ARHGEF7: variants seen among roughly 807,000 people sequenced by gnomAD.
ARHGEF7 encodes PAK-interacting exchange factor beta.
ARHGEF7 carries 33 observed loss-of-function variants against 109.8 expected under a neutral mutation model. That is an observed-to-expected ratio of 0.30 (90% confidence interval 0.23 to 0.40). The LOEUF (loss-of-function observed/expected upper bound fraction) is 0.40. Among genes scored for constraint, ARHGEF7 ranks in the 10% least tolerant of loss-of-function variants. ARHGEF7 has a pLI of 1.00. For synonymous variants in ARHGEF7, 458 were observed against 424.6 expected, an observed-to-expected ratio of 1.08 and a Z score of -0.97; for missense variants, 938 against 1,098.5, an observed-to-expected ratio of 0.85 and a Z score of 2.07.
intron 2 of ARHGEF7, among the ~76,000 whole-genome samples, chr13:111,203,660 T>C (rs959335215): frequency 3.3e-5 from 5 of 152,212 alleles, no homozygotes; most frequent in Admixed American, 6.5e-5. Context: ...TCTTGACTCT[T>C]TTAGTGATTT....
chr13:111,147,473 T>C lies in ARHGEF7; in HGVS notation c.166-6432T>C, dbSNP rs552533490. On this transcript the variant is annotated intron_variant, in intron 1 of 21. Transcript: ENST00000646102. ...CTGTTTTTCACGTGCTCACTGACCA[T>C]TCGTTTGTATAGCTTCTTCAGCGAA... is the stretch of plus-strand genomic sequence containing the variant. 7.9e-4 allele frequency among the ~76,000 whole-genome samples: 121 copies of C among 152,314 alleles called. 1 individual carries two copies. Among genetic ancestry groups the C allele is most frequent in the African/African-American group, 2.8e-3 (116 of 41,564 alleles).
intron 5 of ARHGEF7, among the ~76,000 whole-genome samples, chr13:111,222,628 C>T (rs184067883): frequency 6.6e-6 from 1 of 152,224 alleles, no homozygotes; most frequent in African/African-American, 2.4e-5. Context: ...TAGGGTTTTA[C>T]CATGTTGGCA....
chr13:111,281,729 A>G (rs1022612764), intron 15 of ARHGEF7, among the ~76,000 whole-genome samples: 2 of 152,162 alleles, frequency 1.3e-5, no homozygotes, highest in Non-Finnish European at 1.5e-5. Flanking sequence ...CTGAAACTCT[A>G]CTTCATACAA....
In ARHGEF7 at chr13:111,273,930, A is replaced by G. The variant is rs2092330822; in HGVS notation, c.1190A>G (p.Lys397Arg). ...CTGGATAAATACCCTACGCTGCTCA[A>G]AGAGCTCGAGAGACACATGGAGGTA... is the stretch of plus-strand genomic sequence containing the variant. ...MRLDKYPTLL[K>R]ELERHMEDYH... Residue 397 changes from lysine (K) to arginine (R), a missense_variant, in exon 10 of 22, where the codon AAA becomes AGA. This residue lies in a region of ARHGEF7 where 585 missense variants were observed against 723.6 expected (regional missense o/e 0.81). Transcript: ENST00000646102. This position sits in a 1 kb window ranked among gnomAD's most constrained non-coding sequence, Gnocchi z 4.5. The G allele has an allele frequency of 6.2e-7, 1 of 1,614,204 alleles. No individual in the cohort carries two copies. The highest frequency in any genetic ancestry group is 8.5e-7 in the Non-Finnish European group (1 of 1,180,030).
intron 19 of ARHGEF7, among the ~76,000 whole-genome samples, chr13:111,296,718 A>G (rs1194496018): frequency 1.3e-5 from 2 of 152,250 alleles, no homozygotes; most frequent in Non-Finnish European, 2.9e-5. Flanking sequence ...ACTCAAATGC[A>G]TTTCAGAAAT....
intron 1 of ARHGEF7, among the ~76,000 whole-genome samples, chr13:111,117,822 A>G (rs1299027309): frequency 6.6e-6 from 1 of 152,126 alleles, no homozygotes. Flanking sequence ...TAGGCCTCCC[A>G]AAGTGCTGGG....
intron 1 of ARHGEF7, among the ~76,000 whole-genome samples, chr13:111,123,113 A>G (rs937647022): frequency 2.6e-4 from 40 of 152,056 alleles, no homozygotes; most frequent in African/African-American, 9.7e-4. Context: ...CTGCTTCCTC[A>G]CTTCTTGAAT....
intron 19 of ARHGEF7, chr13:111,293,090 C>T: frequency 3.0e-6 from 3 of 985,448 alleles, no homozygotes; most frequent in Non-Finnish European, 3.6e-6. Flanking sequence ...TGTTATAAGG[C>T]ACATAGCAAG....
chr13:111,116,169 A>C (rs1218755517), intron 1 of ARHGEF7, among the ~76,000 whole-genome samples: 1 of 152,172 alleles, frequency 6.6e-6, no homozygotes, highest in Non-Finnish European at 1.5e-5. Context: ...ATTTTTAAAG[A>C]GGCACGCATC....
intron 2 of ARHGEF7, among the ~76,000 whole-genome samples, chr13:111,179,411 C>T (rs1007144892): frequency 1.3e-5 from 2 of 152,096 alleles, no homozygotes; most frequent in Non-Finnish European, 2.9e-5. Context: ...TTTTATTTTG[C>T]CAACTGTGTA....
chr13:111,202,507 ACTTC>A (rs1369707153), intron 2 of ARHGEF7, among the ~76,000 whole-genome samples: 2 of 152,176 alleles, frequency 1.3e-5, no homozygotes, highest in Non-Finnish European at 2.9e-5. Flanking sequence ...TATGGTTTGT[ACTTC>A]CTTCCCTCCT....
chr13:111,252,277 A>G (rs2089877926), intron 8 of ARHGEF7, among the ~76,000 whole-genome samples: 1 of 152,246 alleles, frequency 6.6e-6, no homozygotes, highest in South Asian at 2.1e-4. Flanking sequence ...GCTTTGGTGT[A>G]TGGGAGAACA....
intron 19 of ARHGEF7, among the ~76,000 whole-genome samples, chr13:111,298,573 C>T (rs901343268): frequency 2.0e-5 from 3 of 152,234 alleles, no homozygotes; most frequent in Admixed American, 1.3e-4. Flanking sequence ...GTCTCCTGGA[C>T]CTGTAGAGAT....
intron 2 of ARHGEF7, among the ~76,000 whole-genome samples, chr13:111,202,689 C>CAGAG (rs2081340662): frequency 6.6e-6 from 1 of 152,174 alleles, no homozygotes; most frequent in Non-Finnish European, 1.5e-5. Context: ...TTACTTTTTG[C>CAGAG]AGAGAGATTT....
At chr13:111,218,337 A>T (rs1294793359) in intron 5 of ARHGEF7, among the ~76,000 whole-genome samples, 1 of 151,958 alleles carries the variant, frequency 6.6e-6, no homozygotes, top group East Asian at 1.9e-4. Flanking sequence ...TTGCTTCCTT[A>T]TGTTTTGTAG....
At chr13:111,278,359 A>G (rs1567054375) in intron 13 of ARHGEF7, among the ~76,000 whole-genome samples, 3 of 152,040 alleles carry the variant, frequency 2.0e-5, no homozygotes, top group African/African-American at 4.8e-5. Context: ...CTTCCCATCA[A>G]CTTTCTGAGG....
In ARHGEF7 at chr13:111,145,480, C is replaced by T. The variant is rs1183987080; in HGVS notation, c.166-8425C>T. Among the ~76,000 whole-genome samples the T allele has an allele frequency of 6.6e-6, 1 of 151,490 alleles. No homozygotes were observed. On this transcript the variant is annotated intron_variant, in intron 1 of 21. Transcript: ENST00000646102. This position sits in a 1 kb window ranked among gnomAD's most constrained non-coding sequence, Gnocchi z 4.3. ...CTCCAGCCAGTGAGAGCTGTAGTTA[C>T]AGGAGAGGCTGCCTGACAGGAGCCA...
At chr13:111,153,746 G>C (rs2076056735) in intron 1 of ARHGEF7, 159 bp from the exon 2 acceptor site, 1 of 1,343,094 alleles carries the variant, frequency 7.4e-7, no homozygotes, top group African/African-American at 1.6e-5. Context: ...CGGCTGAGCG[G>C]GTTGGCATCT....
At chr13:111,240,696 T>A (rs2087616113) in intron 6 of ARHGEF7, among the ~76,000 whole-genome samples, 1 of 152,192 alleles carries the variant, frequency 6.6e-6, no homozygotes, top group Non-Finnish European at 1.5e-5. Flanking sequence ...TCTGTAGCAG[T>A]GGACAGGGAA....
Sources: allele counts gnomAD v4.1 joint callset (sites outside exome capture counted in the v4.1 genomes callset), GRCh38; gene constraint gnomAD v4.1.1; regional missense constraint gnomAD v4.1.1; non-coding constraint Gnocchi (gnomAD v3.1); transcripts MANE v1.5; gene names NCBI Gene and HGNC (gene_info 2026-07-23, HGNC 2026-07-21).